The following SH3BP5 variants were observed in gnomAD, a reference collection of about 807,000 sequenced individuals.
SH3BP5 encodes SH3 domain binding protein 5.
A neutral mutation model predicts 43.3 loss-of-function variants in SH3BP5; 22 were observed. That is an observed-to-expected ratio of 0.51 (90% CI 0.36 to 0.73). The LOEUF (loss-of-function observed/expected upper bound fraction) is 0.73, where lower values mean the gene tolerates loss of function less well. Ranked by LOEUF, SH3BP5 falls within the 30% of genes least tolerant of loss-of-function variation. The pLI is 0.00. For synonymous variants in SH3BP5, 255 were observed against 225.8 expected (o/e 1.13, Z -1.16); for missense variants, 529 against 586.9 (o/e 0.90, Z 1.02).
chr3:15,267,203 G>T (rs75030341), intron 4 of SH3BP5, among the ~76,000 whole-genome samples: 37 of 152,168 alleles, frequency 2.4e-4, no homozygotes, highest in Non-Finnish European at 2.9e-5. Context: ...AGCACCACTG[G>T]GGGAAACGCT....
chr3:15,296,147 A>C (rs945348366), intron 3 of SH3BP5, among the ~76,000 whole-genome samples: 4 of 152,324 alleles, frequency 2.6e-5, no homozygotes, highest in Admixed American at 6.5e-5. Context: ...ACTACCACAG[A>C]TAATGAGAAC....
In SH3BP5 at chr3:15,258,986, A is replaced by G; in HGVS notation, c.734T>C (p.Met245Thr). 1.9e-6 allele frequency: 3 copies of G among 1,614,214 alleles called. No individual in the cohort carries two copies. The highest frequency in any genetic ancestry group is 1.6e-4 in the Middle Eastern group (1 of 6,062). The change falls in exon 7 of 9, where the codon ATG becomes ACG. Residue 245 changes from methionine (M) to threonine (T), a missense_variant. Coordinates refer to ENST00000383791, the MANE Select transcript of SH3BP5 (RefSeq NM_004844.5). The part of the protein sequence containing the change: ...KLTLAKGEYK[M>T]ALKNLEMISD... ...GATCATCTCCAGGTTCTTCAGGGCC[A>G]TCTTGTACTCGCCTTTTGCCAGGGT...
intron 3 of SH3BP5, among the ~76,000 whole-genome samples, chr3:15,290,063 C>T (rs1248713591): frequency 6.6e-6 from 1 of 152,158 alleles, no homozygotes; most frequent in Non-Finnish European, 1.5e-5. Context: ...TTGGGGCTGA[C>T]AGTGAATTGA....
At chr3:15,272,720 G>GATAAAGACATTACAAAAC (rs1173079973) in intron 3 of SH3BP5, among the ~76,000 whole-genome samples, 4 of 151,486 alleles carry the variant, frequency 2.6e-5, no homozygotes, top group South Asian at 2.1e-4. Flanking sequence ...GTGCCTGTAG[G>GATAAAGACATTACAAAAC]AGATTCGATG....
chr3:15,278,090 C>T (rs1575301969), intron 3 of SH3BP5, among the ~76,000 whole-genome samples: 2 of 152,356 alleles, frequency 1.3e-5, no homozygotes, highest in South Asian at 4.1e-4. Flanking sequence ...CCCCACAGGG[C>T]CCGGGGCAAG....
intron 2 of SH3BP5, among the ~76,000 whole-genome samples, chr3:15,315,737 C>A (rs1031081912): frequency 1.3e-5 from 2 of 152,216 alleles, no homozygotes; most frequent in Non-Finnish European, 2.9e-5. Context: ...GCCCTCCTTT[C>A]AATCCTTGGC....
chr3:15,311,861 A>G (rs1698067744), intron 2 of SH3BP5, among the ~76,000 whole-genome samples: 1 of 151,874 alleles, frequency 6.6e-6, no homozygotes, highest in African/African-American at 2.4e-5. Flanking sequence ...TTTTGTAGAG[A>G]TGAGGTCTGT....
At chr3:15,333,712 C>T (rs944706245), upstream of SH3BP5, among the ~76,000 whole-genome samples, 2 of 152,180 alleles carry the variant, frequency 1.3e-5, no homozygotes, top group African/African-American at 4.8e-5. Context: ...GGGCAAGGCA[C>T]CACCCCATAC....
intron 1 of SH3BP5, among the ~76,000 whole-genome samples, chr3:15,340,683 G>A (rs192067266): frequency 1.6e-4 from 24 of 152,172 alleles, no homozygotes; most frequent in African/African-American, 4.8e-4. Flanking sequence ...CTCCATAGGC[G>A]GAGGTTGCAG....
intron 3 of SH3BP5, among the ~76,000 whole-genome samples, chr3:15,300,649 C>T (rs913226749): frequency 6.6e-6 from 1 of 151,726 alleles, no homozygotes; most frequent in African/African-American, 2.4e-5. Flanking sequence ...CCACCCTCCA[C>T]AGAGATGAAA....
chr3:15,333,276 C>G, upstream of SH3BP5: 9 of 985,414 alleles, frequency 9.1e-6, no homozygotes, highest in Non-Finnish European at 1.1e-5. Context: ...ACTGAAGAGG[C>G]ACGTGTGTGT....
intron 3 of SH3BP5, among the ~76,000 whole-genome samples, chr3:15,290,525 C>CAA (rs3031239): frequency 0.025 from 1,395 of 56,268 alleles, 110 homozygotes; most frequent in African/African-American, 0.089. Flanking sequence ...GACTCTGTCC[C>CAA]AAAAAAAAAA....
At chr3:15,278,819 G>A (rs1375149321) in intron 3 of SH3BP5, among the ~76,000 whole-genome samples, 1 of 152,154 alleles carries the variant, frequency 6.6e-6, no homozygotes, top group East Asian at 1.9e-4. Flanking sequence ...AATGTAGCTT[G>A]TGGCACGGAG....
chr3:15,299,873 A>G (rs1697686375), intron 3 of SH3BP5, among the ~76,000 whole-genome samples: 3 of 152,240 alleles, frequency 2.0e-5, no homozygotes, highest in Admixed American at 2.0e-4. Context: ...CAGACATAAA[A>G]AACCACCACT....
intron 6 of SH3BP5, 114 bp downstream of exon 6, chr3:15,259,645 GTC>G (rs1371830245): frequency 5.0e-6 from 5 of 991,408 alleles, no homozygotes; most frequent in African/African-American, 3.2e-5. Context: ...AGTAAAGCCT[GTC>G]TCTCCACTTT....
chr3:15,262,325 C>T (rs756263266), intron 4 of SH3BP5, 36 bp from the exon 5 acceptor site: 1 of 1,608,000 alleles, frequency 6.2e-7, no homozygotes, highest in South Asian at 1.1e-5. Flanking sequence ...CAGTCCAGCC[C>T]AGAACAGCCC....
intron 2 of SH3BP5, among the ~76,000 whole-genome samples, chr3:15,324,335 A>C (rs1055267820): frequency 2.6e-5 from 4 of 152,048 alleles, no homozygotes; most frequent in Admixed American, 6.5e-5. Flanking sequence ...CCCCACTACA[A>C]TTGCTTGCTT....
rs181158733 is a variant in SH3BP5 at position 15,278,904 on chromosome 3, T to G, written c.331-9027A>C. Among the ~76,000 whole-genome samples, 401 of 151,766 alleles carry G rather than the reference T, an allele frequency of 2.6e-3. 2 individuals carry two copies. The highest frequency in any genetic ancestry group is 0.012 in the South Asian group (59 of 4,790). On this transcript the variant is annotated intron_variant, in intron 3 of 8. Coordinates refer to ENST00000383791, the MANE Select transcript of SH3BP5 (RefSeq NM_004844.5). ...TAAAAATTTGGTGAGGCGTGGTAAC[T>G]CATGCCTGTAATCCTAGCACTTTGG...
rs368955496 is a variant in SH3BP5, at chr3:15,265,512, TCACACACACACACACACACACACACA to T, written c.496-3249_496-3224del. ...GCCTGAGCTACAGGGCGAGACTCCG[TCACACACACACACACACACACACACA>T]CACACACACACACACACACACAACC... On this transcript the variant is annotated intron_variant, in intron 4 of 8. Transcript: ENST00000383791. Among the ~76,000 whole-genome samples the T allele has an allele frequency of 4.6e-5, 5 of 107,988 alleles. No homozygotes were observed. The South Asian group carries it at 1.3e-3, about 27-fold the overall frequency. The allele number at this position is 107,988 out of a possible 152,430, so 70.8% of individuals were successfully genotyped here.
Sources: gnomAD v4.1 joint callset for allele counts (sites outside exome capture counted in the v4.1 genomes callset) on GRCh38, gnomAD v4.1.1 for gene constraint, MANE v1.5 for transcripts, NCBI Gene and HGNC (gene_info 2026-07-23, HGNC 2026-07-21) for gene names.